DACH2: variants seen among roughly 807,000 people sequenced by gnomAD.
DACH2 encodes the protein dachshund family transcription factor 2.
A neutral mutation model predicts 35.8 loss-of-function variants in DACH2; 17 were observed. The observed-to-expected ratio is 0.48, with a 90% CI of 0.33 to 0.71. The LOEUF (loss-of-function observed/expected upper bound fraction) is 0.71, where lower values mean the gene tolerates loss of function less well. DACH2 is among the 30% of genes least tolerant of loss of function. The probability of loss-of-function intolerance (pLI) is 0.02; values close to 1 mark genes in which losing one functional copy is unlikely to be tolerated. For synonymous variants in DACH2, 195 were observed against 177.3 expected (o/e 1.10, Z -0.79); for missense variants, 469 against 472.7 (o/e 0.99, Z 0.07).
intron 7 of DACH2, among the ~76,000 whole-genome samples, chrX:86,774,756 G>A (rs905293237): frequency 8.9e-6 from 1 of 111,920 alleles, no homozygotes; most frequent in African/African-American, 3.2e-5. Context: ...ATTGAGAAAA[G>A]CAATTATATT....
At chrX:86,192,724 TC>T (rs775466465) in intron 1 of DACH2, among the ~76,000 whole-genome samples, 1 of 112,397 alleles carries the variant, frequency 8.9e-6, no homozygotes, top group Admixed American at 9.5e-5. Flanking sequence ...AAGTAAATGA[TC>T]TACTCCTGTT....
At position 86,832,140 on chromosome X, in the gene DACH2, G is replaced by GTT. The variant is rs777931103; in HGVS notation, c.1786_1787dup (p.Leu596PhefsTer15). 8.4e-7 allele frequency: 1 copy of GTT among 1,197,092 alleles called. No individual in the cohort carries two copies. The highest frequency in any genetic ancestry group is 3.0e-5 in the East Asian group (1 of 33,630). The stretch of plus-strand genomic sequence containing the variant: ...ATTACTGTTTAGAAATGGCACAACA[G>GTT]TTGTATTCAGCCTGAAAGGTCCTCG... On this transcript the variant is annotated frameshift_variant, in exon 12 of 12. Coordinates refer to ENST00000373125, the MANE Select transcript of DACH2 (RefSeq NM_053281.3). LOFTEE classifies it high-confidence loss of function.
chrX:86,414,870 T>A (rs757070150), intron 2 of DACH2, among the ~76,000 whole-genome samples: 5 of 111,797 alleles, frequency 4.5e-5, no homozygotes, highest in Admixed American at 9.5e-5. Context: ...CTGCTCCTCT[T>A]GAACCACTCA....
intron 2 of DACH2, among the ~76,000 whole-genome samples, chrX:86,465,037 A>G (rs1359044787): frequency 8.9e-6 from 1 of 112,215 alleles, no homozygotes; most frequent in Non-Finnish European, 1.9e-5. Flanking sequence ...TTTTAACAGT[A>G]GTTAAAATAT....
At chrX:86,602,060 T>C (rs904451114) in intron 3 of DACH2, among the ~76,000 whole-genome samples, 2 of 112,298 alleles carry the variant, frequency 1.8e-5, no homozygotes, top group African/African-American at 6.5e-5. Context: ...CAACTACTGA[T>C]CTGTTTTGCT....
At chrX:86,396,999 A>G (rs1250214888) in intron 2 of DACH2, among the ~76,000 whole-genome samples, 1 of 110,963 alleles carries the variant, frequency 9.0e-6, no homozygotes, top group Non-Finnish European at 1.9e-5. Flanking sequence ...CATTTTCACG[A>G]TATTGATTCT....
chrX:86,296,536 A>C (rs2034466115), intron 1 of DACH2, among the ~76,000 whole-genome samples: 1 of 111,581 alleles, frequency 9.0e-6, no homozygotes, highest in African/African-American at 3.3e-5. Flanking sequence ...CTATAAATGA[A>C]AGAATTATTG....
intron 2 of DACH2, among the ~76,000 whole-genome samples, chrX:86,409,000 G>T (rs761988417): frequency 2.4e-4 from 27 of 111,572 alleles, no homozygotes; most frequent in Non-Finnish European, 4.9e-4. Context: ...TTTACCACAG[G>T]TCCTTCAAGA....
chrX:86,293,328 C>A (rs956656817), intron 1 of DACH2, among the ~76,000 whole-genome samples: 2 of 110,025 alleles, frequency 1.8e-5, no homozygotes, highest in Non-Finnish European at 1.9e-5. Flanking sequence ...TCTCTCTGCA[C>A]GTGAGATGGG....
chrX:86,613,305 G>C (rs2039968184), intron 3 of DACH2, among the ~76,000 whole-genome samples: 1 of 111,204 alleles, frequency 9.0e-6, no homozygotes, highest in East Asian at 2.8e-4. Flanking sequence ...GTTCCTGTCA[G>C]TGATTGTGTT....
At chrX:86,760,341 T>C (rs1009062293) in intron 7 of DACH2, among the ~76,000 whole-genome samples, 5 of 112,088 alleles carry the variant, frequency 4.5e-5, no homozygotes, top group African/African-American at 1.6e-4. Flanking sequence ...AATTTGAATA[T>C]TTGATCATTT....
At chrX:86,665,901 T>G (rs1012705893) in intron 4 of DACH2, among the ~76,000 whole-genome samples, 13 of 111,793 alleles carry the variant, frequency 1.2e-4, no homozygotes, top group African/African-American at 4.2e-4. Flanking sequence ...CAGATGTGCA[T>G]ACTTCGACAT....
At chrX:86,777,509 A>G (rs766281157) in intron 7 of DACH2, among the ~76,000 whole-genome samples, 3 of 111,364 alleles carry the variant, frequency 2.7e-5, no homozygotes, top group African/African-American at 9.8e-5. Flanking sequence ...GTGACTCTCT[A>G]TTTTCTGGTT....
At chrX:86,332,169 A>AT (rs2035225386) in intron 1 of DACH2, among the ~76,000 whole-genome samples, 1 of 111,493 alleles carries the variant, frequency 9.0e-6, no homozygotes, top group South Asian at 3.8e-4. Flanking sequence ...GGTAGGTAAA[A>AT]TTTTTATGGC....
chrX:86,827,075 C>A (rs2042569071), intron 11 of DACH2, among the ~76,000 whole-genome samples: 1 of 112,002 alleles, frequency 8.9e-6, no homozygotes, highest in Non-Finnish European at 1.9e-5. Context: ...GGTGAGGAGA[C>A]ATTTGGAAGC....
intron 2 of DACH2, among the ~76,000 whole-genome samples, chrX:86,459,048 TAG>T (rs1363961319): frequency 9.0e-6 from 1 of 111,359 alleles, no homozygotes; most frequent in Non-Finnish European, 1.9e-5. Context: ...AAAGAAAAAA[TAG>T]AGATTAAACT....
chrX:86,264,584 A>G (rs1210552999), intron 1 of DACH2, among the ~76,000 whole-genome samples: 1 of 111,700 alleles, frequency 9.0e-6, no homozygotes, highest in Non-Finnish European at 1.9e-5. Flanking sequence ...GTTCTGCCCA[A>G]TCCAGGTTAA....
At chrX:86,669,859 G>A (rs756989202) in intron 4 of DACH2, among the ~76,000 whole-genome samples, 13 of 110,735 alleles carry the variant, frequency 1.2e-4, no homozygotes, top group Admixed American at 2.9e-4. Flanking sequence ...GTTTGATGAT[G>A]GTGAACAGCA....
chrX:86,362,004 A>T (rs1262846680), intron 1 of DACH2, among the ~76,000 whole-genome samples: 1 of 111,327 alleles, frequency 9.0e-6, no homozygotes, highest in Non-Finnish European at 1.9e-5. Flanking sequence ...GTAAAATTTC[A>T]TCTATATTAG....
Sources: allele counts gnomAD v4.1 joint callset (sites outside exome capture counted in the v4.1 genomes callset), GRCh38; gene constraint gnomAD v4.1.1; transcripts MANE v1.5; gene names NCBI Gene and HGNC (gene_info 2026-07-23, HGNC 2026-07-21).